The following ART3 variants were observed in gnomAD, a reference collection of about 807,000 sequenced individuals.
ART3 encodes ADP-ribosyltransferase 3 (inactive).
In ART3, 49 loss-of-function variants were observed where a neutral mutation model predicts 48.5. That is an observed-to-expected ratio of 1.01 (90% CI 0.80 to 1.28). The LOEUF (loss-of-function observed/expected upper bound fraction) is 1.28, where lower values mean the gene tolerates loss of function less well. Among genes scored for constraint, ART3 ranks in the 50% most tolerant of loss-of-function variants. The probability of loss-of-function intolerance (pLI) is 0.00; values close to 1 mark genes in which losing one functional copy is unlikely to be tolerated. For synonymous variants in ART3, 145 were observed against 157.2 expected, an observed-to-expected ratio of 0.92 and a Z score of 0.58; for missense variants, 438 against 454.3, an observed-to-expected ratio of 0.96 and a Z score of 0.33.
At position 76,095,541 on chromosome 4, in the gene ART3, A is replaced by G. The variant is rs189930405; in HGVS notation, c.782-2103A>G. On this transcript the variant is annotated intron_variant, in intron 3 of 11. Transcript: ENST00000355810. Reference sequence around the variant, plus strand: ...AAAATAATAATAAATAAAGATACCCATTCTTTTCTATTCAGGAGGCCTTCA... The same window carrying G: ...AAAATAATAATAAATAAAGATACCCGTTCTTTTCTATTCAGGAGGCCTTCA... 2.0e-3 allele frequency among the ~76,000 whole-genome samples: 303 copies of G among 152,254 alleles called. 1 individual carries two copies. Among genetic ancestry groups the G allele is most frequent in the African/African-American group, 7.0e-3 (292 of 41,566 alleles).
At chr4:76,094,843 AT>A (rs755066285) in intron 3 of ART3, among the ~76,000 whole-genome samples, 9 of 152,234 alleles carry the variant, frequency 5.9e-5, no homozygotes, top group Non-Finnish European at 1.0e-4. Context: ...TACTCTGTCT[AT>A]AAAAATTGAA....
At chr4:76,054,776 A>G (rs140621367) in intron 1 of ART3, among the ~76,000 whole-genome samples, 7 of 152,290 alleles carry the variant, frequency 4.6e-5, no homozygotes, top group African/African-American at 1.2e-4. Flanking sequence ...CAAGGTTGCA[A>G]TGAGCTATGA....
intron 3 of ART3, among the ~76,000 whole-genome samples, chr4:76,095,702 G>A (rs1206657775): frequency 1.3e-5 from 2 of 152,192 alleles, no homozygotes; most frequent in African/African-American, 2.4e-5. Context: ...GCACCCAGGT[G>A]ATTCTGAAGT....
chr4:76,017,370 C>G (rs1305442093), intron 1 of ART3, among the ~76,000 whole-genome samples: 7 of 151,966 alleles, frequency 4.6e-5, no homozygotes, highest in Non-Finnish European at 1.0e-4. Context: ...AAATGTCATC[C>G]AAGATCTAGG....
chr4:76,081,737 A>T, intron 2 of ART3, 87 bp from the exon 3 acceptor site: 1 of 1,400,950 alleles, frequency 7.1e-7, no homozygotes, highest in South Asian at 1.4e-5. Flanking sequence ...TTGGCAAGGG[A>T]TGAGAAGGTG....
chr4:76,087,554 T>G (rs1223924908), intron 3 of ART3, among the ~76,000 whole-genome samples: 1 of 152,182 alleles, frequency 6.6e-6, no homozygotes, highest in Non-Finnish European at 1.5e-5. Context: ...AAGACAATGT[T>G]TCTAAAAGGG....
chr4:76,022,743 C>T, intron 1 of ART3: 1 of 1,613,760 alleles, frequency 6.2e-7, no homozygotes, highest in Non-Finnish European at 8.5e-7. Context: ...TCAAGTTTTT[C>T]TAAAGACCTT....
intron 1 of ART3, among the ~76,000 whole-genome samples, chr4:76,024,870 G>A (rs73829007): frequency 0.014 from 2,066 of 152,288 alleles, 40 homozygotes; most frequent in African/African-American, 0.046. Context: ...CTCAGAACCT[G>A]GTATCAGGGG....
At chr4:76,066,110 T>C (rs1363181010) in intron 1 of ART3, among the ~76,000 whole-genome samples, 1 of 152,196 alleles carries the variant, frequency 6.6e-6, no homozygotes, top group Non-Finnish European at 1.5e-5. Flanking sequence ...AAAGCATTGA[T>C]GTAGGGGTTT....
At position 76,100,812 on chromosome 4, in the gene ART3, C is replaced by T. The variant is rs759610182; in HGVS notation, c.895C>T (p.Leu299Phe). 15 of 1,612,512 alleles carry T rather than the reference C, an allele frequency of 9.3e-6. No individual in the cohort carries two copies. The highest frequency in any genetic ancestry group is 5.0e-5 in the Admixed American group (3 of 59,734). Residue 299 changes from leucine (L) to phenylalanine (F), a missense_variant, in exon 7 of 12, where the codon CTT becomes TTT. Leu to Phe is a conservative substitution (Grantham distance 22). This residue lies in a region of ART3 where 227 missense variants were observed against 229.6 expected (regional missense o/e 0.99). Transcript: ENST00000355810. ...TGACTCAGGTGAGAAAAACTGGAAG[C>T]TTGAAGACCATGGTAAGACATTTTT... The part of the protein sequence containing the change: ...LEDHSEKNWK[L>F]EDHGEKNQKL...
intron 1 of ART3, among the ~76,000 whole-genome samples, chr4:76,025,779 A>G (rs1413841479): frequency 6.6e-6 from 1 of 152,194 alleles, no homozygotes; most frequent in Non-Finnish European, 1.5e-5. Flanking sequence ...GCACAAACAT[A>G]TCAGTTTGTT....
At chr4:76,034,845 A>G (rs1393836950) in intron 1 of ART3, 4 of 1,553,336 alleles carry the variant, frequency 2.6e-6, no homozygotes, top group Admixed American at 3.5e-5. Context: ...AGTTTTATTT[A>G]CTTGGGCTGT....
intron 1 of ART3, among the ~76,000 whole-genome samples, chr4:76,014,585 A>G (rs1732092893): frequency 6.6e-6 from 1 of 152,220 alleles, no homozygotes; most frequent in Non-Finnish European, 1.5e-5. Context: ...ATATATGCTT[A>G]ATATGAGTTT....
chr4:76,024,793 A>G lies in ART3; in HGVS notation c.-10+13473A>G, dbSNP rs1018540578. ...ATAGTCAGCTGGGCTGCAACAATGC[A>G]GGGATTGGTCAGGGAATGGAAAAGC... On this transcript the variant is annotated intron_variant, in intron 1 of 9. Transcript: ENST00000341029. Among the ~76,000 whole-genome samples, 14 of 152,204 alleles carry G rather than the reference A, an allele frequency of 9.2e-5. No individual in the cohort carries two copies. In the South Asian group the frequency reaches 2.9e-3, roughly 32 times the overall value.
chr4:76,080,580 C>T (rs112307910), intron 2 of ART3, among the ~76,000 whole-genome samples: 65 of 152,064 alleles, frequency 4.3e-4, no homozygotes, highest in African/African-American at 1.3e-3. Flanking sequence ...GTGCAGTCTC[C>T]GCTCCCTGCA....
chr4:76,051,339 T>C (rs1009328616), intron 1 of ART3, among the ~76,000 whole-genome samples: 3 of 152,034 alleles, frequency 2.0e-5, no homozygotes, highest in Non-Finnish European at 1.5e-5. Context: ...CTACTGTGAG[T>C]TTCTTATAAT....
intron 1 of ART3, among the ~76,000 whole-genome samples, chr4:76,026,974 G>A (rs530749540): frequency 1.2e-4 from 19 of 152,268 alleles, no homozygotes; most frequent in African/African-American, 3.4e-4. Context: ...TTTATGGGCC[G>A]GGCAAGGTGG....
chr4:76,035,326 T>C lies in ART3; in HGVS notation c.-10+24006T>C, dbSNP rs751016750. 3 of 1,613,978 alleles carry C rather than the reference T, an allele frequency of 1.9e-6. No homozygotes were observed. In the Admixed American group the frequency reaches 5.0e-5, roughly 27 times the overall value. On this transcript the variant is annotated intron_variant, in intron 1 of 9. Transcript: ENST00000341029. ...GGCCTATGCAAAGACAGCGTCCTCT[T>C]TTGAACATGGGGAAGCCTAGAATAG...
chr4:76,088,349 A>G (rs1196770919), intron 3 of ART3, among the ~76,000 whole-genome samples: 1 of 151,654 alleles, frequency 6.6e-6, no homozygotes, highest in East Asian at 1.9e-4. Context: ...TACATAATTT[A>G]TAGAGTAAGA....
Sources: gnomAD v4.1 joint callset for allele counts (sites outside exome capture counted in the v4.1 genomes callset) on GRCh38, gnomAD v4.1.1 for gene constraint, gnomAD v4.1.1 regional missense constraint, MANE v1.5 for transcripts, NCBI Gene and HGNC (gene_info 2026-07-23, HGNC 2026-07-21) for gene names.